FHIT: variants seen among roughly 807,000 people sequenced by gnomAD.
FHIT encodes fragile histidine triad diadenosine triphosphatase, also known as bis(5'-adenosyl)-triphosphatase.
FHIT carries 19 observed loss-of-function variants against 17.9 expected under a neutral mutation model. The ratio of observed to expected loss-of-function variants is 1.06; its 90% CI spans 0.74 to 1.56. The LOEUF (loss-of-function observed/expected upper bound fraction) is 1.56. FHIT is among the 40% of genes most tolerant of loss of function. The pLI is 0.00. For synonymous variants in FHIT, 81 were observed against 69.7 expected (o/e 1.16, Z -0.81); for missense variants, 248 against 189.2 (o/e 1.31, Z -1.82).
intron 3 of FHIT, among the ~76,000 whole-genome samples, chr3:60,910,338 C>G (rs2107266206): frequency 6.6e-6 from 1 of 151,840 alleles, no homozygotes; most frequent in Middle Eastern, 3.5e-3. Flanking sequence ...AAGAGGAGGA[C>G]TGTGAGGGGG....
intron 7 of FHIT, among the ~76,000 whole-genome samples, chr3:59,972,844 C>A (rs1346489630): frequency 1.3e-5 from 2 of 152,092 alleles, no homozygotes; most frequent in African/African-American, 4.8e-5. Context: ...CAGAAGCAAA[C>A]CAGTATTTGC....
At chr3:60,332,743 T>G (rs1710048779) in intron 5 of FHIT, among the ~76,000 whole-genome samples, 1 of 152,174 alleles carries the variant, frequency 6.6e-6, no homozygotes, top group African/African-American at 2.4e-5. Flanking sequence ...GAGCCATCCC[T>G]TCCTTGATTT....
At chr3:60,117,494 T>TAAAAAA (rs34113926) in intron 5 of FHIT, among the ~76,000 whole-genome samples, 4 of 86,798 alleles carry the variant, frequency 4.6e-5, no homozygotes, top group Non-Finnish European at 6.6e-5. Flanking sequence ...ACTTCCTATC[T>TAAAAAA]AAAAAAAAAA....
intron 4 of FHIT, among the ~76,000 whole-genome samples, chr3:60,588,486 G>A (rs1553662961): frequency 6.6e-6 from 1 of 151,772 alleles, no homozygotes; most frequent in African/African-American, 2.4e-5. Flanking sequence ...ATCGAAGGAG[G>A]GAGAGAGGAA....
At chr3:60,574,179 C>T (rs1227394955) in intron 4 of FHIT, among the ~76,000 whole-genome samples, 1 of 152,054 alleles carries the variant, frequency 6.6e-6, no homozygotes, top group Non-Finnish European at 1.5e-5. Flanking sequence ...GCTATGGGAG[C>T]TACAAAGAGC....
chr3:60,945,296 A>G (rs1346491009), intron 3 of FHIT, among the ~76,000 whole-genome samples: 2 of 152,308 alleles, frequency 1.3e-5, no homozygotes, highest in Middle Eastern at 3.4e-3. Context: ...GGAGAGTGGT[A>G]TGAGACTAGG....
chr3:60,629,876 CTA>C (rs1328573661), intron 4 of FHIT, among the ~76,000 whole-genome samples: 2 of 152,200 alleles, frequency 1.3e-5, no homozygotes, highest in Admixed American at 1.3e-4. Flanking sequence ...GGGATACAAA[CTA>C]TTTTATTCAC....
intron 4 of FHIT, among the ~76,000 whole-genome samples, chr3:60,689,089 T>G (rs2040927579): frequency 6.6e-6 from 1 of 152,160 alleles, no homozygotes; most frequent in African/African-American, 2.4e-5. Flanking sequence ...AGTGAATAAG[T>G]CTCACAAGAT....
chr3:60,477,971 G>A (rs896574996), intron 5 of FHIT, among the ~76,000 whole-genome samples: 29 of 152,278 alleles, frequency 1.9e-4, no homozygotes, highest in African/African-American at 7.0e-4. Context: ...ATACCATAGA[G>A]AAGCGTGGAG....
chr3:60,162,662 T>G (rs150606719), intron 5 of FHIT, among the ~76,000 whole-genome samples: 1 of 152,296 alleles, frequency 6.6e-6, no homozygotes, highest in African/African-American at 2.4e-5. Context: ...TTACCTTCTT[T>G]ATAGATGAGA....
At chr3:60,431,431 C>T (rs1366399363) in intron 5 of FHIT, among the ~76,000 whole-genome samples, 1 of 152,098 alleles carries the variant, frequency 6.6e-6, no homozygotes, top group Non-Finnish European at 1.5e-5. Flanking sequence ...ATTCAGGATG[C>T]TTAGTGTAGC....
chr3:60,989,145 T>C (rs778113646), intron 3 of FHIT, among the ~76,000 whole-genome samples: 3 of 151,948 alleles, frequency 2.0e-5, no homozygotes, highest in Non-Finnish European at 4.4e-5. Flanking sequence ...ACAACACAGT[T>C]CTTCTAAGAC....
At chr3:60,184,179 C>T (rs1334263947) in intron 5 of FHIT, among the ~76,000 whole-genome samples, 2 of 152,028 alleles carry the variant, frequency 1.3e-5, no homozygotes, top group East Asian at 3.9e-4. Context: ...GAGACCAACT[C>T]TTACTATGCT....
intron 1 of FHIT, among the ~76,000 whole-genome samples, chr3:61,250,575 A>G (rs1475655414): frequency 6.6e-6 from 1 of 152,182 alleles, no homozygotes; most frequent in East Asian, 1.9e-4. Context: ...CCAAGGTAAC[A>G]CAGCGAGGGC....
chr3:60,873,365 AT>A (rs1704499208), intron 3 of FHIT, among the ~76,000 whole-genome samples: 1 of 152,174 alleles, frequency 6.6e-6, no homozygotes, highest in Non-Finnish European at 1.5e-5. Flanking sequence ...GTTTTCTGTC[AT>A]GTCAGGAAAA....
intron 4 of FHIT, among the ~76,000 whole-genome samples, chr3:60,738,162 C>T (rs948688569): frequency 2.6e-5 from 4 of 152,064 alleles, no homozygotes; most frequent in East Asian, 1.9e-4. Flanking sequence ...AAAAGCAGAT[C>T]GCATGAAAGA....
chr3:60,857,541 A>AC (rs1553750277), intron 3 of FHIT, among the ~76,000 whole-genome samples: 48 of 152,028 alleles, frequency 3.2e-4, no homozygotes, highest in African/African-American at 1.1e-3. Context: ...AATACATGGA[A>AC]AGCTTTCATC....
At chr3:60,354,522 G>C (rs1699560849) in intron 5 of FHIT, among the ~76,000 whole-genome samples, 1 of 152,092 alleles carries the variant, frequency 6.6e-6, no homozygotes, top group Admixed American at 6.6e-5. Flanking sequence ...ATCAGAACAA[G>C]AATTCAATGC....
At chr3:60,238,139 G>A (rs1229124375) in intron 5 of FHIT, among the ~76,000 whole-genome samples, 42 of 73,734 alleles carry the variant, frequency 5.7e-4, no homozygotes, top group African/African-American at 1.5e-3. Context: ...GCGAGACTCC[G>A]TCTCAAAAAA....
Sources: allele counts gnomAD v4.1 joint callset (sites outside exome capture counted in the v4.1 genomes callset), GRCh38; gene constraint gnomAD v4.1.1; transcripts MANE v1.5; gene names NCBI Gene and HGNC (gene_info 2026-07-23, HGNC 2026-07-21).